The following RNF144A variants were observed in gnomAD, a reference collection of about 807,000 sequenced individuals.
RNF144A encodes E3 ubiquitin-protein ligase RNF144A.
In RNF144A, 11 loss-of-function variants were observed where a neutral mutation model predicts 38.7. The ratio of observed to expected loss-of-function variants is 0.28; its 90% confidence interval spans 0.18 to 0.47. The LOEUF (loss-of-function observed/expected upper bound fraction) is 0.47. RNF144A is among the 20% of genes least tolerant of loss of function. RNF144A has a pLI of 0.99. For missense variants in RNF144A, 316 were observed against 377.2 expected (o/e 0.84, Z 1.34); for synonymous variants, 149 against 143.9 (o/e 1.04, Z -0.25).
At chr2:6,979,192 C>T (rs1668483251) in intron 2 of RNF144A, among the ~76,000 whole-genome samples, 1 of 152,180 alleles carries the variant, frequency 6.6e-6, no homozygotes, top group East Asian at 1.9e-4. Context: ...GTGGGAGGCG[C>T]TGCTGTGGGT....
intron 7 of RNF144A, among the ~76,000 whole-genome samples, chr2:7,025,926 G>A (rs1297626492): frequency 4.6e-5 from 7 of 152,206 alleles, no homozygotes; most frequent in Admixed American, 2.6e-4. Context: ...TGCTTCCCAT[G>A]TTAGCATTCA....
intron 1 of RNF144A, among the ~76,000 whole-genome samples, chr2:6,938,552 T>C (rs953599965): frequency 1.3e-5 from 2 of 152,094 alleles, no homozygotes; most frequent in Non-Finnish European, 2.9e-5. Context: ...GGCCTCTTTC[T>C]TTCTTTTTAA....
chr2:6,990,898 T>G (rs1035677816), intron 2 of RNF144A, among the ~76,000 whole-genome samples: 4 of 152,218 alleles, frequency 2.6e-5, no homozygotes, highest in African/African-American at 9.6e-5. Flanking sequence ...TCCTTATAGT[T>G]TTGTCTTTTC....
downstream of RNF144A, among the ~76,000 whole-genome samples, chr2:7,071,045 C>T (rs1232729949): frequency 6.6e-6 from 1 of 151,738 alleles, no homozygotes; most frequent in East Asian, 1.9e-4. Flanking sequence ...AGCGATTCTC[C>T]TGCCTCAGCC....
chr2:7,041,355 A>G lies in RNF144A; in HGVS notation c.*1595A>G, dbSNP rs309304. On this transcript the variant is annotated 3_prime_UTR_variant, in exon 9 of 9. Transcript: ENST00000320892. ...TTTCCTAACATTGAATTCGTTAGAA[A>G]AAACAGCGTCACCTCACTCTTCACC... 0.56 allele frequency: 550,058 copies of G among 985,216 alleles called. 154,999 individuals are homozygous for G. Among genetic ancestry groups the G allele is most frequent in the South Asian group, 0.85 (17,994 of 21,288 alleles). 61.0% of individuals were successfully genotyped at this position (985,216 alleles called of 1,614,324 possible).
chr2:6,933,952 T>C (rs1201605978), intron 1 of RNF144A, among the ~76,000 whole-genome samples: 1 of 152,200 alleles, frequency 6.6e-6, no homozygotes, highest in African/African-American at 2.4e-5. Flanking sequence ...CAGGGTTTTT[T>C]GTTTTTGTTT....
intron 8 of RNF144A, among the ~76,000 whole-genome samples, chr2:7,036,085 G>A (rs1672659857): frequency 6.6e-6 from 1 of 152,200 alleles, no homozygotes; most frequent in African/African-American, 2.4e-5. Context: ...AGCCGCACCT[G>A]TGCCCTGTCC....
chr2:7,009,071 C>A (rs965518557), intron 3 of RNF144A, among the ~76,000 whole-genome samples: 3 of 152,238 alleles, frequency 2.0e-5, no homozygotes, highest in African/African-American at 7.2e-5. Context: ...CTGGCCTTAT[C>A]TACACTGCAG....
At position 6,941,583 on chromosome 2, in the gene RNF144A, G is replaced by C. The variant is rs1488378091; in HGVS notation, c.-12+436G>C. 2.6e-5 allele frequency among the ~76,000 whole-genome samples: 4 copies of C among 152,244 alleles called. No individual in the cohort carries two copies. The East Asian group carries it at 7.7e-4, about 29-fold the overall frequency. On this transcript the variant is annotated intron_variant, in intron 2 of 8. Transcript: ENST00000320892. This position sits in a 1 kb window ranked among gnomAD's most constrained non-coding sequence, Gnocchi z 6.5. Reference sequence around the variant, plus strand: ...CAAGTGGAGGATGGGGGTAGGGACAGTCAGGAAGAGACAGACAATTCTCAT... The same window carrying C: ...CAAGTGGAGGATGGGGGTAGGGACACTCAGGAAGAGACAGACAATTCTCAT...
the RNF144A span, among the ~76,000 whole-genome samples, chr2:7,076,097 G>C: frequency 6.6e-6 from 1 of 152,106 alleles, no homozygotes; most frequent in African/African-American, 2.4e-5. Context: ...CTGTGTTTCT[G>C]TATGCACATG....
At chr2:6,983,906 G>A (rs113461548) in intron 2 of RNF144A, among the ~76,000 whole-genome samples, 5 of 152,178 alleles carry the variant, frequency 3.3e-5, no homozygotes, top group African/African-American at 1.2e-4. Flanking sequence ...CTCCAGCACC[G>A]ATCTTGAAAC....
At chr2:6,947,791 C>G (rs182305533) in intron 2 of RNF144A, among the ~76,000 whole-genome samples, 22 of 152,180 alleles carry the variant, frequency 1.4e-4, no homozygotes, top group Admixed American at 2.6e-4. Flanking sequence ...AGGTGGAGCT[C>G]GAGAATCGGT....
In RNF144A at chr2:6,958,527, C is replaced by T. The variant is rs1351501894; in HGVS notation, c.-12+17380C>T. ...GCCCACTTTTTCGTTCTTGGTGGAG[C>T]GCTGGCTCCTTCTGGGAGTTACAAA... On this transcript the variant is annotated intron_variant, in intron 2 of 8. Coordinates refer to ENST00000320892, the MANE Select transcript of RNF144A (RefSeq NM_014746.6). This position sits in a 1 kb window ranked among gnomAD's most constrained non-coding sequence, Gnocchi z 4.5. Among the ~76,000 whole-genome samples, 1 of 152,104 alleles carries T rather than the reference C, an allele frequency of 6.6e-6. No homozygotes were observed. Among genetic ancestry groups the T allele is most frequent in the South Asian group, 2.1e-4 (1 of 4,814 alleles).
At chr2:7,032,036 A>C (rs1234289347) in intron 8 of RNF144A, among the ~76,000 whole-genome samples, 2 of 152,278 alleles carry the variant, frequency 1.3e-5, no homozygotes, top group Non-Finnish European at 2.9e-5. Flanking sequence ...CACAGGAATT[A>C]TGTCCCAATA....
chr2:6,955,737 G>C (rs1459886597), intron 2 of RNF144A, among the ~76,000 whole-genome samples: 1 of 152,244 alleles, frequency 6.6e-6, no homozygotes, highest in African/African-American at 2.4e-5. Context: ...GACTGGAAAA[G>C]CCTGTCCAGT....
intron 8 of RNF144A, among the ~76,000 whole-genome samples, chr2:7,031,044 C>T (rs1279645102): frequency 3.3e-5 from 5 of 152,042 alleles, no homozygotes; most frequent in African/African-American, 1.2e-4. Flanking sequence ...GTAACGTGAG[C>T]AATGGGGAGC....
At position 6,997,057 on chromosome 2, in the gene RNF144A, C is replaced by T; in HGVS notation, c.131C>T (p.Thr44Ile). The T allele has an allele frequency of 2.5e-6, 4 of 1,614,068 alleles. No individual in the cohort carries two copies. The highest frequency in any genetic ancestry group is 3.4e-6 in the Non-Finnish European group (4 of 1,179,912). Residue 44 changes from threonine (T) to isoleucine (I), a missense_variant, in exon 3 of 9, where the codon ACT (threonine) becomes ATT (isoleucine). Coordinates refer to ENST00000320892, the MANE Select transcript of RNF144A (RefSeq NM_014746.6). ...TIAQCQCIFC[T>I]LCLKQYVELL... ...GCCCAGTGCCAATGCATCTTCTGTA[C>T]TCTGGTTGGTCTTTTTGGATAAAAT...
At position 7,058,163 on chromosome 2, in the gene RNF144A, C is replaced by T. The variant is rs147616929; in HGVS notation, c.735-10053C>T. Among the ~76,000 whole-genome samples the T allele has an allele frequency of 2.2e-3, 335 of 152,032 alleles. 2 individuals are homozygous for T. The highest frequency in any genetic ancestry group is 3.4e-3 in the Non-Finnish European group (234 of 67,984). On this transcript the variant is annotated intron_variant, in intron 6 of 6. Coordinates refer to the RNF144A transcript ENST00000432850. ...AGCTGCCAGGGTAACACAGAGCTCA[C>T]TCTGAGGACCTAGGGACAGCTCCAA...
intron 2 of RNF144A, among the ~76,000 whole-genome samples, chr2:6,989,440 G>C (rs919633772): frequency 6.6e-6 from 1 of 152,140 alleles, no homozygotes; most frequent in African/African-American, 2.4e-5. Context: ...TCATCACCTG[G>C]AGAATAGTGC....
Sources: allele counts gnomAD v4.1 joint callset (sites outside exome capture counted in the v4.1 genomes callset), GRCh38; gene constraint gnomAD v4.1.1; non-coding constraint Gnocchi (gnomAD v3.1); transcripts MANE v1.5; gene names NCBI Gene and HGNC (gene_info 2026-07-23, HGNC 2026-07-21).